Variants in FAM107B observed in about 807,000 individuals in gnomAD.
The protein encoded by FAM107B is family with sequence similarity 107 member B, also known as protein FAM107B.
FAM107B carries 21 observed loss-of-function variants against 31.5 expected under a neutral mutation model. That is an observed-to-expected ratio of 0.67 (90% CI 0.47 to 0.96). The LOEUF (loss-of-function observed/expected upper bound fraction) is 0.96. FAM107B is among the 40% of genes least tolerant of loss of function. The pLI is 0.00. For synonymous variants in FAM107B, 157 were observed against 141.5 expected, an observed-to-expected ratio of 1.11 and a Z score of -0.78; for missense variants, 452 against 377.1, an observed-to-expected ratio of 1.20 and a Z score of -1.64.
At chr10:14,696,361 C>A (rs924345166) in intron 1 of FAM107B, among the ~76,000 whole-genome samples, 2 of 152,110 alleles carry the variant, frequency 1.3e-5, no homozygotes, top group African/African-American at 4.8e-5. Flanking sequence ...GATGTAAAAT[C>A]TTTTTGATGT....
chr10:14,550,710 C>T (rs1849177031), intron 2 of FAM107B, among the ~76,000 whole-genome samples: 1 of 152,228 alleles, frequency 6.6e-6, no homozygotes, highest in African/African-American at 2.4e-5. Context: ...CCCAAGAACC[C>T]AGCATCCTAT....
intron 3 of FAM107B, chr10:14,529,689 C>A (rs1846725081): frequency 6.6e-6 from 1 of 152,078 alleles, no homozygotes; most frequent in South Asian, 2.1e-4. Context: ...AGTCTCCTGT[C>A]CTGCCCAAAT....
At chr10:14,568,420 G>C (rs985957759) in intron 2 of FAM107B, among the ~76,000 whole-genome samples, 45 of 149,896 alleles carry the variant, frequency 3.0e-4, no homozygotes, top group Non-Finnish European at 5.1e-4. Flanking sequence ...TGATCCCAGG[G>C]TTAGACGAGG....
chr10:14,767,885 TC>T (rs1451901063), intron 1 of FAM107B, among the ~76,000 whole-genome samples: 1 of 152,214 alleles, frequency 6.6e-6, no homozygotes, highest in African/African-American at 2.4e-5. Context: ...AAATTATCTG[TC>T]TGTTGATGAC....
chr10:14,649,695 T>A (rs1186317324), intron 2 of FAM107B, among the ~76,000 whole-genome samples: 3 of 152,214 alleles, frequency 2.0e-5, no homozygotes, highest in Non-Finnish European at 4.4e-5. Context: ...TTACCTGTAT[T>A]AATTTATGTC....
At chr10:14,617,421 CT>C (rs1852881715) in intron 2 of FAM107B, among the ~76,000 whole-genome samples, 1 of 152,156 alleles carries the variant, frequency 6.6e-6, no homozygotes, top group African/African-American at 2.4e-5. Flanking sequence ...GAGCCTGGGT[CT>C]TGCTCACAAG....
chr10:14,557,174 C>T (rs898873088), intron 2 of FAM107B, among the ~76,000 whole-genome samples: 1 of 152,236 alleles, frequency 6.6e-6, no homozygotes, highest in Admixed American at 6.5e-5. Flanking sequence ...AAGCTTGTTT[C>T]CCAACTCTCA....
chr10:14,550,133 C>G (rs1350506058), intron 2 of FAM107B, among the ~76,000 whole-genome samples: 2 of 152,216 alleles, frequency 1.3e-5, no homozygotes, highest in Admixed American at 1.3e-4. Flanking sequence ...CAGTCATAAT[C>G]CAGATCCTAT....
chr10:14,743,524 T>C (rs1832664693), intron 1 of FAM107B, among the ~76,000 whole-genome samples: 1 of 152,216 alleles, frequency 6.6e-6, no homozygotes, highest in African/African-American at 2.4e-5. Flanking sequence ...TGAGTTAATG[T>C]TTGTATAAGA....
rs189732442 is a variant in FAM107B, at chr10:14,531,602, G to C, written c.470-1087C>G. Among the ~76,000 whole-genome samples, 1,184 of 151,940 alleles carry C rather than the reference G, an allele frequency of 7.8e-3. 8 individuals are homozygous for C. Among genetic ancestry groups the C allele is most frequent in the Non-Finnish European group, 0.01 (702 of 67,968 alleles). On this transcript the variant is annotated intron_variant, in intron 2 of 4. Transcript: ENST00000181796. Reference sequence around the variant, plus strand: ...CATATATGTAACCCCAGCACTTTGGGAGGCTAAGGTGGCTAGATCACTTGA... The same window carrying C: ...CATATATGTAACCCCAGCACTTTGGCAGGCTAAGGTGGCTAGATCACTTGA...
chr10:14,643,878 T>G (rs1401598416), intron 2 of FAM107B, among the ~76,000 whole-genome samples: 1 of 152,372 alleles, frequency 6.6e-6, no homozygotes, highest in African/African-American at 2.4e-5. Context: ...ATGATTTTAG[T>G]ACTCCACAAC....
chr10:14,616,105 G>C (rs1588660365), intron 2 of FAM107B, among the ~76,000 whole-genome samples: 1 of 152,196 alleles, frequency 6.6e-6, no homozygotes, highest in South Asian at 2.1e-4. Flanking sequence ...GTTAAATAAA[G>C]AGCCTTAAGG....
At chr10:14,747,943 C>G (rs896161715) in intron 1 of FAM107B, among the ~76,000 whole-genome samples, 1 of 152,208 alleles carries the variant, frequency 6.6e-6, no homozygotes, top group African/African-American at 2.4e-5. Flanking sequence ...CCATCCCCAG[C>G]CCACCAAGTT....
At chr10:14,614,023 C>G (rs1233728335) in intron 2 of FAM107B, among the ~76,000 whole-genome samples, 2 of 151,996 alleles carry the variant, frequency 1.3e-5, no homozygotes, top group Non-Finnish European at 2.9e-5. Context: ...CCCAGCTACT[C>G]GGGAGGCTGA....
At chr10:14,580,865 G>C (rs768885947) in intron 2 of FAM107B, among the ~76,000 whole-genome samples, 2 of 152,146 alleles carry the variant, frequency 1.3e-5, no homozygotes, top group Non-Finnish European at 2.9e-5. Flanking sequence ...TCTGCAGAAC[G>C]TTCTTCCCAG....
At chr10:14,678,737 T>G (rs1854752222) in intron 1 of FAM107B, among the ~76,000 whole-genome samples, 1 of 152,170 alleles carries the variant, frequency 6.6e-6, no homozygotes, top group African/African-American at 2.4e-5. Context: ...AAAGAGAATT[T>G]GACTAGCATG....
At chr10:14,591,993 AG>A (rs1852036405) in intron 2 of FAM107B, among the ~76,000 whole-genome samples, 1 of 152,240 alleles carries the variant, frequency 6.6e-6, no homozygotes, top group Non-Finnish European at 1.5e-5. Flanking sequence ...CAGCTTTAAA[AG>A]GCATAACCAT....
At chr10:14,532,142 G>A (rs1026210195) in intron 2 of FAM107B, among the ~76,000 whole-genome samples, 3 of 152,200 alleles carry the variant, frequency 2.0e-5, no homozygotes, top group Non-Finnish European at 4.4e-5. Context: ...CTAGTTCTCA[G>A]CACGGTGCTC....
intron 2 of FAM107B, among the ~76,000 whole-genome samples, chr10:14,621,684 G>C (rs189545525): frequency 2.4e-4 from 36 of 152,344 alleles, no homozygotes; most frequent in African/African-American, 8.4e-4. Context: ...CTGTTGATTT[G>C]AAGCTGGGGA....
Sources: gnomAD v4.1 joint callset for allele counts (sites outside exome capture counted in the v4.1 genomes callset) on GRCh38, gnomAD v4.1.1 for gene constraint, MANE v1.5 for transcripts, NCBI Gene and HGNC (gene_info 2026-07-23, HGNC 2026-07-21) for gene names.